Variants in TMEM117 observed in about 807,000 individuals in gnomAD.
TMEM117 encodes the protein transmembrane protein 117.
Under a neutral mutation model 52.4 loss-of-function variants are expected in TMEM117, and 27 were observed. The ratio of observed to expected loss-of-function variants is 0.51; its 90% CI spans 0.38 to 0.71. The LOEUF is 0.71. Ranked by LOEUF, TMEM117 falls within the 30% of genes least tolerant of loss-of-function variation. The probability of loss-of-function intolerance (pLI) is 0.00; values close to 1 mark genes in which losing one functional copy is unlikely to be tolerated. For synonymous variants in TMEM117, 215 were observed against 206.3 expected, an observed-to-expected ratio of 1.04 and a Z score of -0.36; for missense variants, 556 against 630.5, an observed-to-expected ratio of 0.88 and a Z score of 1.26.
chr12:44,316,448 T>C (rs80139766), intron 6 of TMEM117, among the ~76,000 whole-genome samples: 7,318 of 152,234 alleles, frequency 0.048, 366 homozygotes, highest in African/African-American at 0.12. Context: ...CTGAGACATA[T>C]GCTTTTAAAT....
chr12:44,051,876 T>C (rs577994550), intron 3 of TMEM117, among the ~76,000 whole-genome samples: 1 of 152,310 alleles, frequency 6.6e-6, no homozygotes, highest in Admixed American at 6.5e-5. Context: ...ATGCAATTTG[T>C]CAATACGATT....
intron 3 of TMEM117, among the ~76,000 whole-genome samples, chr12:43,974,326 GT>G (rs1195019610): frequency 2.0e-5 from 3 of 152,024 alleles, no homozygotes; most frequent in Admixed American, 2.0e-4. Flanking sequence ...AGGCTTTTAA[GT>G]ATTATAAAGG....
chr12:44,235,608 A>G (rs2138464896), intron 5 of TMEM117, among the ~76,000 whole-genome samples: 1 of 151,948 alleles, frequency 6.6e-6, no homozygotes, highest in South Asian at 2.1e-4. Context: ...TTAAAGTCTT[A>G]CATTCACTTA....
chr12:43,808,556 C>T, the TMEM117 span, among the ~76,000 whole-genome samples: 1 of 152,034 alleles, frequency 6.6e-6, no homozygotes, highest in African/African-American at 2.4e-5. Context: ...GGTCACAAAA[C>T]ACAAATGCTT....
At chr12:44,314,773 A>G (rs1048282187) in intron 6 of TMEM117, among the ~76,000 whole-genome samples, 4 of 152,096 alleles carry the variant, frequency 2.6e-5, no homozygotes, top group African/African-American at 4.8e-5. Context: ...CTAGCTTCAT[A>G]GTATGAGTTA....
At chr12:44,106,498 G>A (rs1329143447) in intron 3 of TMEM117, among the ~76,000 whole-genome samples, 1 of 151,962 alleles carries the variant, frequency 6.6e-6, no homozygotes, top group Non-Finnish European at 1.5e-5. Context: ...ATATATCTGG[G>A]TGCTTATTGG....
downstream of TMEM117, among the ~76,000 whole-genome samples, chr12:44,394,118 C>G (rs1213938451): frequency 6.6e-6 from 1 of 152,074 alleles, no homozygotes; most frequent in Non-Finnish European, 1.5e-5. Context: ...ATTTTGAAAA[C>G]CATATTTTGA....
At chr12:44,222,686 C>T (rs924559019) in intron 5 of TMEM117, among the ~76,000 whole-genome samples, 1 of 152,146 alleles carries the variant, frequency 6.6e-6, no homozygotes, top group Admixed American at 6.5e-5. Flanking sequence ...GTTTCTTTTA[C>T]ATTGTGTCCA....
the TMEM117 span, chr12:43,800,425 A>C: frequency 1.1e-4 from 183 of 1,601,846 alleles, no homozygotes; most frequent in Middle Eastern, 2.4e-3. Flanking sequence ...TCCACATACA[A>C]ACATAATACC....
intron 5 of TMEM117, among the ~76,000 whole-genome samples, chr12:44,253,728 A>G (rs1377845905): frequency 1.3e-5 from 2 of 152,066 alleles, no homozygotes; most frequent in East Asian, 1.9e-4. Flanking sequence ...GTGGGCATAC[A>G]GAGATCATTT....
At chr12:43,835,227 AAG>A (rs1280749180), upstream of TMEM117, among the ~76,000 whole-genome samples, 2 of 152,152 alleles carry the variant, frequency 1.3e-5, no homozygotes, top group Non-Finnish European at 2.9e-5. Flanking sequence ...TACATTCAGG[AAG>A]AGAGGAATTG....
At chr12:43,895,902 A>G (rs530484863) in intron 2 of TMEM117, among the ~76,000 whole-genome samples, 23 of 150,734 alleles carry the variant, frequency 1.5e-4, no homozygotes, top group African/African-American at 5.6e-4. Context: ...AAACATTCTC[A>G]TAATTTTGCT....
rs557658249 is a variant in TMEM117 at position 43,840,105 on chromosome 12, T to C, written c.-29+3909T>C. ...TTTTTTTTTTTAATATCAGATGGCT[T>C]TATTTTTCTAACTAACGTAAAGGGT... On this transcript the variant is annotated intron_variant, in intron 1 of 7. Coordinates refer to ENST00000266534, the MANE Select transcript of TMEM117 (RefSeq NM_032256.3). Among the ~76,000 whole-genome samples, 8 of 152,310 alleles carry C rather than the reference T, an allele frequency of 5.3e-5. No homozygotes were observed. In the South Asian group the frequency reaches 1.7e-3, roughly 32 times the overall value.
intron 2 of TMEM117, among the ~76,000 whole-genome samples, chr12:43,891,567 C>T (rs917931749): frequency 4.6e-5 from 7 of 151,424 alleles, no homozygotes; most frequent in Non-Finnish European, 8.8e-5. Context: ...AGGGTTTCAC[C>T]ATGTCAGTCA....
At position 44,383,141 on chromosome 12, in the gene TMEM117, T is replaced by C. The variant is rs370654067; in HGVS notation, c.899-4885T>C. On this transcript the variant is annotated intron_variant, in intron 7 of 7. Transcript: ENST00000266534. ...CACTAGATGTCAAAGTCTGGCCAAG[T>C]AATCGCACCCATGTGGTAGAGAGGG... Among the ~76,000 whole-genome samples the C allele has an allele frequency of 1.2e-4, 18 of 152,312 alleles. No individual in the cohort carries two copies. In the East Asian group the frequency reaches 3.5e-3, roughly 29 times the overall value.
rs181074684 is a variant in TMEM117 at position 44,077,484 on chromosome 12, A to G, written c.411-66041A>G. 3.9e-3 allele frequency among the ~76,000 whole-genome samples: 589 copies of G among 152,296 alleles called. 3 individuals carry two copies. The highest frequency in any genetic ancestry group is 0.014 in the Middle Eastern group (4 of 294). On this transcript the variant is annotated intron_variant, in intron 3 of 7. Transcript: ENST00000266534. ...AATTTATTACTTAGAAACATAAACA[A>G]TGGCTTGAACTACTACATTTTCCAG...
chr12:44,360,616 T>G (rs1377340906), intron 6 of TMEM117, among the ~76,000 whole-genome samples: 3 of 151,748 alleles, frequency 2.0e-5, no homozygotes, highest in Non-Finnish European at 2.9e-5. Context: ...TTAAAAACAT[T>G]TAAAACACAT....
chr12:44,183,194 T>C (rs1232591596), intron 4 of TMEM117, among the ~76,000 whole-genome samples: 1 of 152,204 alleles, frequency 6.6e-6, no homozygotes, highest in Non-Finnish European at 1.5e-5. Flanking sequence ...ATAGGATAAT[T>C]ATTATCTAAT....
In TMEM117 at chr12:43,967,867, A is replaced by C. The variant is rs116874287; in HGVS notation, c.410+23525A>C. Reference sequence around the variant, plus strand: ...TAAAATAGTGTGTTCTGAATGATGAAAATACACAGAAACATGCGTGTGCGT... The same window carrying C: ...TAAAATAGTGTGTTCTGAATGATGACAATACACAGAAACATGCGTGTGCGT... On this transcript the variant is annotated intron_variant, in intron 3 of 7. Coordinates refer to ENST00000266534, the MANE Select transcript of TMEM117 (RefSeq NM_032256.3). Among the ~76,000 whole-genome samples the C allele has an allele frequency of 8.6e-3, 1,304 of 152,334 alleles. 8 individuals are homozygous for C. Among genetic ancestry groups the C allele is most frequent in the Middle Eastern group, 0.014 (4 of 294 alleles).
Sources: gnomAD v4.1 joint callset for allele counts (sites outside exome capture counted in the v4.1 genomes callset) on GRCh38, gnomAD v4.1.1 for gene constraint, MANE v1.5 for transcripts, NCBI Gene and HGNC (gene_info 2026-07-23, HGNC 2026-07-21) for gene names.